SLK: variants seen among roughly 807,000 people sequenced by gnomAD.
The protein encoded by SLK is STE20-like serine/threonine-protein kinase.
SLK carries 67 observed loss-of-function variants against 147.7 expected under a neutral mutation model. That is an observed-to-expected ratio of 0.45 (90% confidence interval 0.37 to 0.56). The LOEUF (loss-of-function observed/expected upper bound fraction) is 0.56. SLK is among the 20% of genes least tolerant of loss of function. The probability of loss-of-function intolerance (pLI) is 0.00; values close to 1 mark genes in which losing one functional copy is unlikely to be tolerated. For missense variants in SLK, 1,136 were observed against 1,438.8 expected (o/e 0.79, Z 3.41); for synonymous variants, 441 against 475.0 (o/e 0.93, Z 0.93).
intron 11 of SLK, among the ~76,000 whole-genome samples, chr10:104,007,121 T>A (rs1844337052): frequency 6.6e-6 from 1 of 152,102 alleles, no homozygotes. Context: ...AATGACAATC[T>A]TATTATTAAA....
chr10:104,001,393 T>A (rs770620403), intron 7 of SLK, 51 bp from the exon 8 acceptor site: 2 of 1,439,488 alleles, frequency 1.4e-6, no homozygotes, highest in African/African-American at 1.4e-5. Flanking sequence ...GTTTGAAACT[T>A]AGTTTAGTAG....
intron 1 of SLK, among the ~76,000 whole-genome samples, chr10:103,983,019 A>T (rs927531512): frequency 2.0e-5 from 3 of 151,262 alleles, no homozygotes; most frequent in Non-Finnish European, 2.9e-5. Context: ...AATTGTTTTC[A>T]GGATTTAAGA....
rs769546357 is a variant in SLK, at chr10:103,992,587, T to G, written c.316-11T>G. ...TTAGACACACGCTTTTTTTTTTTTT[T>G]TTGCATGCAGATCCTCATTGAATTT... is the stretch of plus-strand genomic sequence containing the variant. On this transcript the variant is annotated splice_polypyrimidine_tract_variant and intron_variant, in intron 2 of 18. Transcript: ENST00000369755. 7.7e-7 allele frequency: 1 copy of G among 1,306,200 alleles called. No individual in the cohort carries two copies. Among genetic ancestry groups the G allele is most frequent in the South Asian group, 1.5e-5 (1 of 66,686 alleles). 80.9% of individuals were successfully genotyped at this position (1,306,200 alleles called of 1,614,324 possible). A position where few individuals can be genotyped will look rare whatever the true frequency, so the allele number is the denominator to read the frequency against.
chr10:104,018,007 T>C (rs966441143), intron 13 of SLK, among the ~76,000 whole-genome samples, 153 bp from the exon 14 acceptor site: 1 of 152,206 alleles, frequency 6.6e-6, no homozygotes, highest in African/African-American at 2.4e-5. Flanking sequence ...CTAAATACAT[T>C]TGTACTATAT....
intron 7 of SLK, 140 bp from the exon 8 acceptor site, chr10:104,001,304 T>C (rs905535707): frequency 3.1e-6 from 2 of 640,796 alleles, no homozygotes; most frequent in Admixed American, 5.8e-5. Flanking sequence ...TTCTCAGATG[T>C]AGCATTATCT....
chr10:104,013,848 G>A (rs1269644363), intron 13 of SLK, among the ~76,000 whole-genome samples: 1 of 152,194 alleles, frequency 6.6e-6, no homozygotes, highest in Non-Finnish European at 1.5e-5. Flanking sequence ...GTGATAACCT[G>A]ACTTTAGACT....
chr10:104,006,120 T>A, intron 11 of SLK, 85 bp downstream of exon 11: 1 of 1,343,500 alleles, frequency 7.4e-7, no homozygotes. Context: ...ACAAAAAAGG[T>A]TGTAGAACTT....
intron 1 of SLK, among the ~76,000 whole-genome samples, chr10:103,971,820 A>C (rs1843797704): frequency 1.3e-5 from 2 of 152,246 alleles, no homozygotes; most frequent in South Asian, 4.1e-4. Flanking sequence ...AAAGTGAATT[A>C]TTATTAACAA....
intron 5 of SLK, 61 bp downstream of exon 5, chr10:103,999,032 G>A: frequency 6.5e-7 from 1 of 1,537,234 alleles, no homozygotes; most frequent in Non-Finnish European, 8.9e-7. Context: ...AATTACTCAT[G>A]AATTTTTGTC....
At chr10:103,992,327 A>G (rs1844107779) in intron 2 of SLK, among the ~76,000 whole-genome samples, 1 of 151,988 alleles carries the variant, frequency 6.6e-6, no homozygotes, top group South Asian at 2.1e-4. Flanking sequence ...CCAAATGAAA[A>G]AGTTCTGTAC....
intron 15 of SLK, 85 bp from the exon 16 acceptor site, chr10:104,019,649 C>A: frequency 9.6e-7 from 1 of 1,041,676 alleles, no homozygotes; most frequent in South Asian, 1.4e-5. Context: ...TAGGAAACAA[C>A]AATAACAAAA....
intron 13 of SLK, among the ~76,000 whole-genome samples, chr10:104,012,851 G>C (rs941681151): frequency 5.9e-5 from 9 of 152,174 alleles, no homozygotes; most frequent in Admixed American, 5.9e-4. Context: ...AACCAGATTA[G>C]AATAATATGG....
At chr10:103,987,598 T>A (rs982680483) in intron 1 of SLK, among the ~76,000 whole-genome samples, 26 of 152,350 alleles carry the variant, frequency 1.7e-4, no homozygotes, top group African/African-American at 6.3e-4. Flanking sequence ...CTTTAAAAAA[T>A]TTAGTATCTG....
intron 11 of SLK, among the ~76,000 whole-genome samples, chr10:104,007,865 T>G (rs1409830580): frequency 1.3e-5 from 2 of 151,622 alleles, no homozygotes; most frequent in Admixed American, 6.6e-5. Context: ...AGCAGGAGGA[T>G]AGTTTGAGCC....
At position 104,018,902 on chromosome 10, in the gene SLK, C is replaced by T. The variant is rs760777100; in HGVS notation, c.3126C>T (p.His1042=). 7 of 1,581,394 alleles carry T rather than the reference C, an allele frequency of 4.4e-6. No homozygotes were observed. Among genetic ancestry groups the T allele is most frequent in the African/African-American group, 4.1e-5 (3 of 72,996 alleles). The change falls in exon 15 of 19, where the codon CAC becomes CAT. Residue 1042 remains histidine (H), a synonymous_variant. Coordinates refer to ENST00000369755, the MANE Select transcript of SLK (RefSeq NM_014720.4). ...FMQRHQLLKR[H]EKETEQMQRY... ...AAAGACATCAGCTACTTAAGCGCCA[C>T]GAGAAGGTTAATGAAAGGAAAATTT...
intron 1 of SLK, among the ~76,000 whole-genome samples, chr10:103,977,779 G>A (rs1843889967): frequency 6.6e-6 from 1 of 152,216 alleles, no homozygotes; most frequent in African/African-American, 2.4e-5. Context: ...ATATAAGAAA[G>A]CTATTAATTA....
chr10:104,025,889 G>A lies in SLK; in HGVS notation c.*169G>A. ...TGTTTTGTTTTTAAGCAAAGATGAAGGGAAAACGAACTAAGACAGACGCTA... is the reference window on the plus strand; with the variant it reads ...TGTTTTGTTTTTAAGCAAAGATGAAAGGAAAACGAACTAAGACAGACGCTA... On this transcript the variant is annotated 3_prime_UTR_variant, in exon 19 of 19. Transcript: ENST00000369755. The A allele has an allele frequency of 1.7e-6, 1 of 579,124 alleles. No individual in the cohort carries two copies. The highest frequency in any genetic ancestry group is 2.9e-6 in the Non-Finnish European group (1 of 346,930). The allele number at this position is 579,124 out of a possible 1,614,324, so 35.9% of individuals were successfully genotyped here.
At chr10:103,990,059 C>G (rs909054208) in intron 1 of SLK, among the ~76,000 whole-genome samples, 1 of 152,080 alleles carries the variant, frequency 6.6e-6, no homozygotes, top group Admixed American at 6.5e-5. Flanking sequence ...ATACATATTA[C>G]TAAGTGAAAG....
intron 1 of SLK, among the ~76,000 whole-genome samples, chr10:103,968,138 A>C (rs747665484): frequency 6.6e-6 from 1 of 152,072 alleles, no homozygotes; most frequent in African/African-American, 2.4e-5. Flanking sequence ...TATAAAGTCT[A>C]CTCTTTCAAA....
Sources: gnomAD v4.1 joint callset for allele counts (sites outside exome capture counted in the v4.1 genomes callset) on GRCh38, gnomAD v4.1.1 for gene constraint, MANE v1.5 for transcripts, NCBI Gene and HGNC (gene_info 2026-07-23, HGNC 2026-07-21) for gene names.